KCNMA1: variants seen among roughly 807,000 people sequenced by gnomAD.
KCNMA1 encodes potassium calcium-activated channel subfamily M alpha 1, also known as Calcium-activated potassium channel subunit alpha-1.
KCNMA1 carries 29 observed loss-of-function variants against 140.0 expected under a neutral mutation model. That is an observed-to-expected ratio of 0.21 (90% CI 0.15 to 0.28). The LOEUF is 0.28. Among genes scored for constraint, KCNMA1 ranks in the 10% least tolerant of loss-of-function variants. The pLI, the probability that KCNMA1 is intolerant of heterozygous loss-of-function variation, is 1.00. For missense variants in KCNMA1, 880 were observed against 1,602.2 expected (o/e 0.55, Z 7.70); for synonymous variants, 612 against 611.9 (o/e 1.00, Z 0.00).
chr10:77,069,110 T>C (rs1185436374), intron 14 of KCNMA1, among the ~76,000 whole-genome samples: 1 of 152,170 alleles, frequency 6.6e-6, no homozygotes, highest in African/African-American at 2.4e-5. Context: ...TGGCCACTTA[T>C]TCAGGGCTGA....
At chr10:77,007,653 G>GTGTGTGTATACATATATATATATATA in intron 18 of KCNMA1, among the ~76,000 whole-genome samples, 1 of 88,482 alleles carries the variant, frequency 1.1e-5, no homozygotes, top group African/African-American at 4.5e-5. Context: ...TTGTGTGTGT[G>GTGTGTGTATACATATATATATATATA]TATATATATA....
chr10:77,081,157 G>A (rs1459914897), intron 12 of KCNMA1, among the ~76,000 whole-genome samples: 3 of 152,136 alleles, frequency 2.0e-5, no homozygotes, highest in South Asian at 4.1e-4. Context: ...ATGGAAACAC[G>A]TGGGTTCCAG....
At chr10:76,893,857 A>G (rs1407624479) in intron 25 of KCNMA1, among the ~76,000 whole-genome samples, 1 of 152,252 alleles carries the variant, frequency 6.6e-6, no homozygotes, top group Admixed American at 6.5e-5. Flanking sequence ...ATAAATGGAC[A>G]GACATCCCAT....
intron 3 of KCNMA1, among the ~76,000 whole-genome samples, chr10:77,187,615 C>T (rs1221563788): frequency 6.6e-6 from 1 of 152,162 alleles, no homozygotes; most frequent in Non-Finnish European, 1.5e-5. Context: ...CTGGAGCTGG[C>T]AGGTAATATG....
At chr10:77,535,303 A>C (rs895589704) in intron 1 of KCNMA1, among the ~76,000 whole-genome samples, 1 of 152,232 alleles carries the variant, frequency 6.6e-6, no homozygotes, top group Admixed American at 6.5e-5. Context: ...TGGTCCAAGA[A>C]GTTTATTCCC....
intron 23 of KCNMA1, among the ~76,000 whole-genome samples, chr10:76,922,201 G>A (rs1402957940): frequency 2.0e-5 from 3 of 152,162 alleles, no homozygotes; most frequent in South Asian, 2.1e-4. Context: ...CTAGAAACAC[G>A]AGAGTTTTCA....
intron 5 of KCNMA1, among the ~76,000 whole-genome samples, chr10:77,167,108 C>T (rs2098651149): frequency 6.6e-6 from 1 of 152,054 alleles, no homozygotes; most frequent in African/African-American, 2.4e-5. Context: ...ATTAATCAAC[C>T]TCTCTTCATC....
chr10:77,129,138 A>C (rs1382391452), intron 5 of KCNMA1, among the ~76,000 whole-genome samples: 1 of 152,230 alleles, frequency 6.6e-6, no homozygotes, highest in Non-Finnish European at 1.5e-5. Flanking sequence ...CCAGTGGTTC[A>C]GAATATATTT....
chr10:77,362,101 G>A (rs987578415), intron 2 of KCNMA1, among the ~76,000 whole-genome samples: 1 of 152,100 alleles, frequency 6.6e-6, no homozygotes, highest in South Asian at 2.1e-4. Context: ...CCTCCCTAAG[G>A]GGCTTCCAGA....
chr10:77,049,516 A>G lies in KCNMA1; in HGVS notation c.1750-9879T>C, dbSNP rs538538963. ...CAATGAGGTGGAATTCCATTTCCGTATCGACTGTAAGCTCCTTAAAGGAAG... is the reference window on the plus strand; with the variant it reads ...CAATGAGGTGGAATTCCATTTCCGTGTCGACTGTAAGCTCCTTAAAGGAAG... On this transcript the variant is annotated intron_variant, in intron 14 of 27. Transcript: ENST00000286628. Among the ~76,000 whole-genome samples the G allele has an allele frequency of 5.3e-5, 8 of 152,342 alleles. No homozygotes were observed. In the East Asian group the frequency reaches 1.5e-3, roughly 29 times the overall value.
intron 14 of KCNMA1, among the ~76,000 whole-genome samples, chr10:77,052,710 G>C (rs2095413952): frequency 6.6e-6 from 1 of 152,082 alleles, no homozygotes; most frequent in Non-Finnish European, 1.5e-5. Context: ...CAGTAGATGG[G>C]GTGATAGAGA....
At chr10:77,405,105 C>G (rs2096427414) in intron 1 of KCNMA1, among the ~76,000 whole-genome samples, 1 of 152,152 alleles carries the variant, frequency 6.6e-6, no homozygotes, top group African/African-American at 2.4e-5. Context: ...CACACAGGGG[C>G]CGAAACTGTA....
chr10:76,917,020 T>C (rs2053228315), intron 23 of KCNMA1, among the ~76,000 whole-genome samples: 1 of 152,236 alleles, frequency 6.6e-6, no homozygotes, highest in African/African-American at 2.4e-5. Flanking sequence ...GTAGTGTCCA[T>C]CTTTTCAAAC....
intron 23 of KCNMA1, among the ~76,000 whole-genome samples, chr10:76,937,244 C>T (rs1377555097): frequency 6.6e-6 from 1 of 152,200 alleles, no homozygotes; most frequent in Non-Finnish European, 1.5e-5. Flanking sequence ...TCCAATGGAG[C>T]AGAAGATTAA....
intron 2 of KCNMA1, among the ~76,000 whole-genome samples, chr10:77,343,170 G>A (rs995049774): frequency 6.6e-6 from 1 of 152,102 alleles, no homozygotes; most frequent in Non-Finnish European, 1.5e-5. Flanking sequence ...GAAGGGGGTC[G>A]GGGGGTTACC....
Position 77,248,866 on chromosome 10 carries a change from G to A in KCNMA1, c.602+2329C>T, listed in dbSNP as rs145790299. ...CAAACTAAAACTGAGCTTGCTTGCC[G>A]TCTTTCCCAAGGAAGATGGAAAACT... On this transcript the variant is annotated intron_variant, in intron 3 of 27. Coordinates refer to ENST00000286628, the MANE Select transcript of KCNMA1 (RefSeq NM_001161352.2). Among the ~76,000 whole-genome samples, 769 of 152,254 alleles carry A rather than the reference G, an allele frequency of 5.1e-3. 3 individuals carry two copies. Among genetic ancestry groups the A allele is most frequent in the African/African-American group, 0.017 (713 of 41,544 alleles).
rs1345014530 is a variant in KCNMA1 at position 77,544,251 on chromosome 10, A to AT, written c.378+93013dup. ...ATGATGGTTATGTCTAGGAAGTGAG[A>AT]TTTTTGAGTAATTTTTAAATTTCTT... On this transcript the variant is annotated intron_variant, in intron 1 of 27. Coordinates refer to ENST00000286628, the MANE Select transcript of KCNMA1 (RefSeq NM_001161352.2). Among the ~76,000 whole-genome samples the AT allele has an allele frequency of 4.0e-5, 6 of 151,232 alleles. No individual in the cohort carries two copies. The South Asian group carries it at 1.2e-3, about 31-fold the overall frequency.
intron 2 of KCNMA1, among the ~76,000 whole-genome samples, chr10:77,402,369 C>A (rs1362246064): frequency 1.3e-5 from 2 of 152,196 alleles, no homozygotes; most frequent in African/African-American, 4.8e-5. Flanking sequence ...TCCCTCTCTG[C>A]CTTCCTCCAA....
At chr10:77,499,662 G>A (rs1286782383) in intron 1 of KCNMA1, among the ~76,000 whole-genome samples, 2 of 152,082 alleles carry the variant, frequency 1.3e-5, no homozygotes, top group East Asian at 1.9e-4. Flanking sequence ...AGCAGAATAC[G>A]TTGTTCAAGA....
Sources: allele counts gnomAD v4.1 joint callset (sites outside exome capture counted in the v4.1 genomes callset), GRCh38; gene constraint gnomAD v4.1.1; transcripts MANE v1.5; gene names NCBI Gene and HGNC (gene_info 2026-07-23, HGNC 2026-07-21).